NLRP1: variants seen among roughly 807,000 people sequenced by gnomAD.
The protein encoded by NLRP1 is NLR family pyrin domain containing 1.
NLRP1 carries 94 observed loss-of-function variants against 136.7 expected under a neutral mutation model. That is an observed-to-expected ratio of 0.69 (90% CI 0.58 to 0.82). The LOEUF is 0.82. Among genes scored for constraint, NLRP1 ranks in the 40% least tolerant of loss-of-function variants. The pLI is 0.00. For synonymous variants in NLRP1, 690 were observed against 725.1 expected (o/e 0.95, Z 0.78); for missense variants, 1,575 against 1,802.7 (o/e 0.87, Z 2.29).
At position 5,558,970 on chromosome 17, in the gene NLRP1, C is replaced by T; in HGVS notation, c.1726G>A (p.Ala576Thr). The change falls in exon 4 of 17, where the codon GCT becomes ACT. Residue 576 changes from alanine (A) to threonine (T), a missense_variant. Ala to Thr is a moderately conservative substitution (Grantham distance 58). Coordinates refer to ENST00000572272, the MANE Select transcript of NLRP1 (RefSeq NM_033004.4). Reference sequence around the variant, plus strand: ...GTCTTTTTTTGCCAGATGCCCTCAGCAGCCAGAGAGCAGAGGTCTCTGAGC... The same window carrying T: ...GTCTTTTTTTGCCAGATGCCCTCAGTAGCCAGAGAGCAGAGGTCTCTGAGC... ...PQLRDLCSLA[A>T]EGIWQKKTLF... 1.2e-6 allele frequency: 2 copies of T among 1,614,158 alleles called. No homozygotes were observed. Among genetic ancestry groups the T allele is most frequent in the Non-Finnish European group, 1.7e-6 (2 of 1,180,020 alleles).
intron 14 of NLRP1, 143 bp from the exon 15 acceptor site, chr17:5,518,030 T>C (rs2151736966): frequency 2.7e-6 from 2 of 747,036 alleles, no homozygotes; most frequent in Non-Finnish European, 4.3e-6. Flanking sequence ...CCTTCAGACA[T>C]TGCTCTTTTC....
intron 15 of NLRP1, 46 bp from the exon 16 acceptor site, chr17:5,515,563 T>C (rs1907997273): frequency 6.9e-7 from 1 of 1,447,176 alleles, no homozygotes; most frequent in South Asian, 1.1e-5. Context: ...AGTGCTAAGT[T>C]ATTAACACAC....
chr17:5,576,975 TG>T (rs1220924400), intron 3 of NLRP1, among the ~76,000 whole-genome samples: 1 of 152,110 alleles, frequency 6.6e-6, no homozygotes, highest in African/African-American at 2.4e-5. Flanking sequence ...AATCAATAAA[TG>T]CAATCCAGCA....
intron 13 of NLRP1, 149 bp downstream of exon 13, chr17:5,521,375 G>A (rs1908877297): frequency 5.2e-6 from 4 of 766,808 alleles, no homozygotes; most frequent in East Asian, 2.6e-5. Flanking sequence ...AAGACTGAGA[G>A]GGGACGAATT....
At chr17:5,572,705 G>C (rs182199786) in intron 3 of NLRP1, among the ~76,000 whole-genome samples, 5 of 104,080 alleles carry the variant, frequency 4.8e-5, no homozygotes, top group African/African-American at 1.4e-4. Flanking sequence ...GTGATACTTT[G>C]TCTCAGAAAA....
chr17:5,551,116 A>G (rs1913303442), intron 5 of NLRP1, among the ~76,000 whole-genome samples: 1 of 152,154 alleles, frequency 6.6e-6, no homozygotes, highest in Non-Finnish European at 1.5e-5. Flanking sequence ...TGATTGCTGT[A>G]AAATAATATG....
intron 16 of NLRP1, 99 bp downstream of exon 16, chr17:5,515,374 A>C: frequency 9.7e-7 from 1 of 1,035,282 alleles, no homozygotes; most frequent in Non-Finnish European, 1.5e-6. Flanking sequence ...TGAGGTTTGC[A>C]GTGATGAGTC....
intron 6 of NLRP1, among the ~76,000 whole-genome samples, chr17:5,539,929 C>T (rs922107524): frequency 5.9e-5 from 9 of 152,184 alleles, no homozygotes; most frequent in South Asian, 2.1e-4. Flanking sequence ...TCTTTTGAGA[C>T]GAGTTCTCAC....
At chr17:5,575,077 A>G (rs1904874764) in intron 3 of NLRP1, among the ~76,000 whole-genome samples, 1 of 152,158 alleles carries the variant, frequency 6.6e-6, no homozygotes, top group Admixed American at 6.5e-5. Context: ...AAATGCTGAG[A>G]GATTTTGTCA....
chr17:5,537,021 T>C lies in NLRP1; in HGVS notation c.2871-81A>G. ...CCCCAGGGCCCAGAATCCTGGGACCTGTCACCTTCTGAGGCAGCGGCCGCA... is the reference window on the plus strand; with the variant it reads ...CCCCAGGGCCCAGAATCCTGGGACCCGTCACCTTCTGAGGCAGCGGCCGCA... On this transcript the variant is annotated intron_variant, in intron 7 of 16. Coordinates refer to ENST00000572272, the MANE Select transcript of NLRP1 (RefSeq NM_033004.4). The surrounding 1 kb of genome is among the most constrained non-coding windows in gnomAD (Gnocchi z 4.5). 5 of 986,006 alleles carry C rather than the reference T, an allele frequency of 5.1e-6. No individual in the cohort carries two copies. Among genetic ancestry groups the C allele is most frequent in the Non-Finnish European group, 8.1e-6 (5 of 617,614 alleles). 61.1% of individuals were successfully genotyped at this position (986,006 alleles called of 1,614,324 possible).
chr17:5,515,082 G>C lies in NLRP1; in HGVS notation c.4103-9C>G. 6.2e-7 allele frequency: 1 copy of C among 1,611,918 alleles called. No homozygotes were observed. Among genetic ancestry groups the C allele is most frequent in the East Asian group, 2.2e-5 (1 of 44,848 alleles). On this transcript the variant is annotated splice_polypyrimidine_tract_variant and intron_variant, in intron 16 of 16. Coordinates refer to ENST00000572272, the MANE Select transcript of NLRP1 (RefSeq NM_033004.4). Reference sequence around the variant, plus strand: ...CAGAGGTGAAGGTACGGCTGGCAACGAACAAAGAAGGGCTCCAACCACAGC... The same window carrying C: ...CAGAGGTGAAGGTACGGCTGGCAACCAACAAAGAAGGGCTCCAACCACAGC...
intron 5 of NLRP1, among the ~76,000 whole-genome samples, chr17:5,544,475 G>A (rs908149179): frequency 6.6e-5 from 10 of 152,210 alleles, no homozygotes; most frequent in African/African-American, 1.9e-4. Flanking sequence ...CTGGGGCATG[G>A]TGCCTGGATC....
chr17:5,506,641 C>A (rs1462799736), intron 15 of NLRP1, among the ~76,000 whole-genome samples: 5 of 151,680 alleles, frequency 3.3e-5, no homozygotes, highest in African/African-American at 1.2e-4. Flanking sequence ...CCTGTAATCC[C>A]AGCACTTTGG....
rs200833136 is a variant in NLRP1 at position 5,514,985 on chromosome 17, C to G, written c.4191G>C (p.Glu1397Asp). 4.3e-6 allele frequency: 7 copies of G among 1,614,122 alleles called. No individual in the cohort carries two copies. The highest frequency in any genetic ancestry group is 5.9e-6 in the Non-Finnish European group (7 of 1,180,046). ...GTCCATGCAGTTTGTCCAAGACAAC[C>G]TCCACCGATGTCACTCGGGCTATCA... ...EQLIARVTSV[E>D]VVLDKLHGQV... Residue 1397 changes from glutamate (E) to aspartate (D), a missense_variant, in exon 17 of 17, where the codon GAG becomes GAC. Transcript: ENST00000572272.
intron 5 of NLRP1, among the ~76,000 whole-genome samples, chr17:5,552,084 CTTTTTT>C (rs71151872): frequency 0.11 from 10,372 of 95,994 alleles, 901 homozygotes; most frequent in East Asian, 0.63. Flanking sequence ...TCTATCTTTC[CTTTTTT>C]TTTTTTTTTT....
chr17:5,525,849 C>T (rs1349775575), intron 12 of NLRP1, among the ~76,000 whole-genome samples: 4 of 152,170 alleles, frequency 2.6e-5, no homozygotes, highest in African/African-American at 7.2e-5. Flanking sequence ...ACCACTTGCT[C>T]GTATTACAGA....
At position 5,557,311 on chromosome 17, in the gene NLRP1, TC is replaced by T. The variant is rs1914203589; in HGVS notation, c.2357+1027del. Among the ~76,000 whole-genome samples the T allele has an allele frequency of 2.0e-5, 3 of 147,450 alleles. No homozygotes were observed. In the South Asian group the frequency reaches 7.0e-4, roughly 35 times the overall value. On this transcript the variant is annotated intron_variant, in intron 4 of 16. Transcript: ENST00000572272. ...TGAGCTACTTCACCCAGCCTACATA[TC>T]TTTTTTTTTTTCCTATAATGAACAT...
rs1020423534 is a variant in NLRP1, at chr17:5,533,308, A to G, written c.3129T>C (p.Ile1043=). The G allele has an allele frequency of 6.5e-7, 1 of 1,544,480 alleles. No homozygotes were observed. Residue 1043 remains isoleucine, a synonymous_variant, in exon 10 of 17, where the codon ATT becomes ATC. Transcript: ENST00000572272. ...GCCAGGCACCGTGGCTCTTGCCTGCAATCTCAGCAATTGGGAAGATCTTGC... is the reference window on the plus strand; with the variant it reads ...GCCAGGCACCGTGGCTCTTGCCTGCGATCTCAGCAATTGGGAAGATCTTGC... ...DVSKIFPIAE[I]AEESSPEVVP... is the part of the protein sequence containing the mutation.
intron 5 of NLRP1, among the ~76,000 whole-genome samples, chr17:5,545,807 C>T (rs1176954390): frequency 6.6e-6 from 1 of 152,232 alleles, no homozygotes; most frequent in Non-Finnish European, 1.5e-5. Context: ...CCACTCTCTC[C>T]CTGGGTGGTC....
Sources: gnomAD v4.1 joint callset for allele counts (sites outside exome capture counted in the v4.1 genomes callset) on GRCh38, gnomAD v4.1.1 for gene constraint, Gnocchi (gnomAD v3.1) non-coding constraint, MANE v1.5 for transcripts, NCBI Gene and HGNC (gene_info 2026-07-23, HGNC 2026-07-21) for gene names.